Variants in DENND5B observed in about 807,000 individuals in gnomAD.
The protein encoded by DENND5B is DENN domain containing 5B, also known as DENN domain-containing protein 5B.
In DENND5B, 34 loss-of-function variants were observed where a neutral mutation model predicts 140.6. The ratio of observed to expected loss-of-function variants is 0.24; its 90% confidence interval spans 0.18 to 0.32. The LOEUF (loss-of-function observed/expected upper bound fraction) is 0.32. DENND5B is among the 10% of genes least tolerant of loss of function. DENND5B has a pLI of 1.00. For missense variants in DENND5B, 1,142 were observed against 1,560.2 expected, an observed-to-expected ratio of 0.73 and a Z score of 4.52; for synonymous variants, 551 against 562.1, an observed-to-expected ratio of 0.98 and a Z score of 0.28.
intron 1 of DENND5B, among the ~76,000 whole-genome samples, chr12:31,566,237 T>C (rs370074689): frequency 6.6e-6 from 1 of 152,098 alleles, no homozygotes; most frequent in Non-Finnish European, 1.5e-5. Context: ...GGAGGATTGC[T>C]TGAGCCCAGG....
intron 1 of DENND5B, among the ~76,000 whole-genome samples, chr12:31,563,215 T>G (rs1270774092): frequency 6.6e-6 from 1 of 152,202 alleles, no homozygotes; most frequent in African/African-American, 2.4e-5. Flanking sequence ...AGACTGGACT[T>G]AAACATGAAA....
At chr12:31,566,149 A>G (rs1437826503) in intron 1 of DENND5B, among the ~76,000 whole-genome samples, 1 of 152,130 alleles carries the variant, frequency 6.6e-6, no homozygotes, top group Admixed American at 6.6e-5. Context: ...CTTGTCTCAA[A>G]AAAAATTAAA....
chr12:31,552,456 T>C (rs372326644), intron 1 of DENND5B, among the ~76,000 whole-genome samples: 2 of 152,216 alleles, frequency 1.3e-5, no homozygotes, highest in African/African-American at 4.8e-5. Context: ...CTGCTGGATT[T>C]GGTTTGCCAG....
Position 31,479,757 on chromosome 12 carries a change from T to G in DENND5B, c.736A>C (p.Lys246Gln), listed in dbSNP as rs1395235578. ...VPLPPPGRSLKFYGVYEPVIC... is the reference protein window; with the variant it reads ...VPLPPPGRSLQFYGVYEPVIC... ...ACAGGTTCATAAACACCATAAAATTTCAGTGACCTCCCTGGAGGTGGAAGG... is the reference window on the plus strand; with the variant it reads ...ACAGGTTCATAAACACCATAAAATTGCAGTGACCTCCCTGGAGGTGGAAGG... The change falls in exon 3 of 21, where the codon AAA becomes CAA. Residue 246 changes from lysine (K) to glutamine (Q), a missense_variant. By Grantham distance (53) the Lys-to-Gln change is moderately conservative (BLOSUM62 1). Around this residue, in one of 5 missense-constraint regions of DENND5B, gnomAD observed 708 missense variants for 905.5 expected, o/e 0.78. Transcript: ENST00000389082. 1 of 1,605,180 alleles carries G rather than the reference T, an allele frequency of 6.2e-7. No homozygotes were observed. Among genetic ancestry groups the G allele is most frequent in the South Asian group, 1.1e-5 (1 of 89,416 alleles).
Position 31,387,524 on chromosome 12 carries a change from C to T in DENND5B, c.*79G>A, listed in dbSNP as rs1330482575. 2.7e-6 allele frequency: 4 copies of T among 1,490,872 alleles called. No individual in the cohort carries two copies. In the East Asian group the frequency reaches 6.9e-5, roughly 26 times the overall value. 92.4% of individuals were successfully genotyped at this position (1,490,872 alleles called of 1,614,324 possible). On this transcript the variant is annotated 3_prime_UTR_variant, in exon 21 of 21. Coordinates refer to ENST00000389082, the MANE Select transcript of DENND5B (RefSeq NM_144973.4). ...GTTTGGCTGCCCCTGCAGTGACTCA[C>T]TACTGTCAGACAAGTCCAAATCGGT...
At chr12:31,491,623 C>G (rs980100674) in intron 2 of DENND5B, among the ~76,000 whole-genome samples, 1 of 152,020 alleles carries the variant, frequency 6.6e-6, no homozygotes, top group Non-Finnish European at 1.5e-5. Flanking sequence ...TATGTTAGTT[C>G]TAGGTGATTA....
intron 1 of DENND5B, among the ~76,000 whole-genome samples, chr12:31,561,934 A>C (rs1949489907): frequency 6.6e-6 from 1 of 152,244 alleles, no homozygotes; most frequent in Admixed American, 6.5e-5. Context: ...ACAAAGTTGC[A>C]GTGAGCATCT....
At chr12:31,541,140 T>C (rs939937486) in intron 1 of DENND5B, 6 of 329,892 alleles carry the variant, frequency 1.8e-5, no homozygotes, top group South Asian at 5.0e-5. Context: ...TCCAGAACAC[T>C]GGAGTGGGCA....
At position 31,473,357 on chromosome 12, in the gene DENND5B, A is replaced by C. The variant is rs190570856; in HGVS notation, c.904+6232T>G. On this transcript the variant is annotated intron_variant, in intron 3 of 20. Transcript: ENST00000389082. Reference sequence around the variant, plus strand: ...GGAATGTTTAAACACACTTTATCTAAATGTTTTATGGGAGTGGATCTTAGG... The same window carrying C: ...GGAATGTTTAAACACACTTTATCTACATGTTTTATGGGAGTGGATCTTAGG... Among the ~76,000 whole-genome samples the C allele has an allele frequency of 2.1e-3, 316 of 152,274 alleles. 1 individual carries two copies. Among genetic ancestry groups the C allele is most frequent in the South Asian group, 2.9e-3 (14 of 4,822 alleles).
Position 31,424,520 on chromosome 12 carries a change from T to A in DENND5B, c.2391+15A>T. On this transcript the variant is annotated intron_variant, in intron 10 of 20. Coordinates refer to ENST00000389082, the MANE Select transcript of DENND5B (RefSeq NM_144973.4). ...CTTAACTGGCCATGTCACCAGGACC[T>A]CCTAAAACTGTTACCTGCTTGACCT... 1 of 1,610,080 alleles carries A rather than the reference T, an allele frequency of 6.2e-7. No homozygotes were observed. The highest frequency in any genetic ancestry group is 8.5e-7 in the Non-Finnish European group (1 of 1,178,396).
chr12:31,392,378 C>G lies in DENND5B; in HGVS notation c.3355G>C (p.Val1119Leu), dbSNP rs778973501. Reference sequence around the variant, plus strand: ...AGGCCATTTTCTCCACACAGCAACACGGTGAGGCTTCCTCTCTGTGGGGCA... The same window carrying G: ...AGGCCATTTTCTCCACACAGCAACAGGGTGAGGCTTCCTCTCTGTGGGGCA... The part of the protein sequence containing the change: ...KPEKERGSLT[V>L]LLCGENGLVA... The change falls in exon 19 of 21, where the codon GTG becomes CTG. Residue 1119 changes from valine (V) to leucine (L), a missense_variant. Physicochemically the swap from Val to Leu is conservative, Grantham distance 32. This residue lies in a region of DENND5B where 8 missense variants were observed against 35.8 expected (regional missense o/e 0.22). Coordinates refer to ENST00000389082, the MANE Select transcript of DENND5B (RefSeq NM_144973.4). 22 of 1,613,662 alleles carry G rather than the reference C, an allele frequency of 1.4e-5. 1 individual carries two copies. In the East Asian group the frequency reaches 4.0e-4, roughly 29 times the overall value.
chr12:31,435,720 G>A (rs1371620300), intron 7 of DENND5B, among the ~76,000 whole-genome samples: 2 of 152,096 alleles, frequency 1.3e-5, no homozygotes, highest in Non-Finnish European at 2.9e-5. Context: ...GAGTACAGTG[G>A]CAAGACCTCG....
intron 2 of DENND5B, among the ~76,000 whole-genome samples, chr12:31,484,032 T>C (rs191052171): frequency 6.6e-6 from 1 of 152,032 alleles, no homozygotes; most frequent in Admixed American, 6.5e-5. Context: ...TTTGTGTTTT[T>C]AGTAGAGACG....
chr12:31,556,633 A>G (rs1298665961), intron 1 of DENND5B, among the ~76,000 whole-genome samples: 1 of 152,254 alleles, frequency 6.6e-6, no homozygotes, highest in Admixed American at 6.5e-5. Context: ...CCTGGGCAAC[A>G]TAGCAAGACC....
At chr12:31,396,725 C>A (rs1441192451) in intron 17 of DENND5B, among the ~76,000 whole-genome samples, 1 of 152,106 alleles carries the variant, frequency 6.6e-6, no homozygotes, top group African/African-American at 2.4e-5. Flanking sequence ...TGGGTTCAAG[C>A]AATCCTCATG....
intron 1 of DENND5B, among the ~76,000 whole-genome samples, chr12:31,515,227 C>A (rs1947584385): frequency 6.6e-6 from 1 of 152,156 alleles, no homozygotes; most frequent in African/African-American, 2.4e-5. Context: ...ATCACATGAG[C>A]CCATAAGTTC....
intron 1 of DENND5B, among the ~76,000 whole-genome samples, chr12:31,552,410 GC>G (rs1381349392): frequency 6.6e-6 from 1 of 152,200 alleles, no homozygotes; most frequent in African/African-American, 2.4e-5. Flanking sequence ...CAGGGATGAA[GC>G]CCACTTGATC....
At chr12:31,435,642 C>T (rs1435346763) in intron 7 of DENND5B, among the ~76,000 whole-genome samples, 7 of 131,454 alleles carry the variant, frequency 5.3e-5, no homozygotes, top group East Asian at 5.3e-4. Flanking sequence ...CCCTTGAAAA[C>T]GCTTTTTAAA....
At chr12:31,574,180 T>C (rs541502734) in intron 1 of DENND5B, among the ~76,000 whole-genome samples, 16 of 151,438 alleles carry the variant, frequency 1.1e-4, no homozygotes, top group South Asian at 4.2e-4. Flanking sequence ...AGAGAACCAC[T>C]TGAGCCCGGG....
Sources: gnomAD v4.1 joint callset for allele counts (sites outside exome capture counted in the v4.1 genomes callset) on GRCh38, gnomAD v4.1.1 for gene constraint, gnomAD v4.1.1 regional missense constraint, MANE v1.5 for transcripts, NCBI Gene and HGNC (gene_info 2026-07-23, HGNC 2026-07-21) for gene names.